FBXO11: variants seen among roughly 807,000 people sequenced by gnomAD.
FBXO11 encodes F-box only protein 11.
In FBXO11, 13 loss-of-function variants were observed where a neutral mutation model predicts 117.0. The observed-to-expected ratio is 0.11, with a 90% confidence interval of 0.07 to 0.18. The LOEUF is 0.18. FBXO11 is among the 10% of genes least tolerant of loss of function. FBXO11 has a pLI of 1.00. For synonymous variants in FBXO11, 490 were observed against 380.5 expected (o/e 1.29, Z -3.35); for missense variants, 767 against 1,164.4 (o/e 0.66, Z 4.97).
chr2:47,808,943 C>G lies in FBXO11; in HGVS notation c.2555+215G>C, dbSNP rs571902729. On this transcript the variant is annotated intron_variant, in intron 21 of 22. Transcript: ENST00000403359. Reference sequence around the variant, plus strand: ...AACTCCTGGGCTCCAGTGATCCTCCCACTTCAGCCTCCCAAAGTGCTAGGA... The same window carrying G: ...AACTCCTGGGCTCCAGTGATCCTCCGACTTCAGCCTCCCAAAGTGCTAGGA... The G allele has an allele frequency of 3.4e-5, 14 of 413,148 alleles. No individual in the cohort carries two copies. The East Asian group carries it at 6.1e-4, about 18-fold the overall frequency. The allele number at this position is 413,148 out of a possible 1,614,324, so 25.6% of individuals were successfully genotyped here.
In FBXO11 at chr2:47,846,939, A is replaced by G. The variant is rs898733995; in HGVS notation, c.233-7170T>C. 9.2e-5 allele frequency among the ~76,000 whole-genome samples: 14 copies of G among 152,298 alleles called. No homozygotes were observed. In the South Asian group the frequency reaches 1.9e-3, roughly 20 times the overall value. On this transcript the variant is annotated intron_variant, in intron 1 of 22. Coordinates refer to ENST00000403359, the MANE Select transcript of FBXO11 (RefSeq NM_001190274.2). ...AGACACATACAGTCACTTATCACTT[A>G]AAGACAAGAATACGTTCTGAGAAGG...
Position 47,832,859 on chromosome 2 carries a change from C to T in FBXO11, c.1063G>A (p.Ala355Thr). Residue 355 changes from alanine (A) to threonine (T), a missense_variant, in exon 9 of 23, where the codon GCA becomes ACA. Physicochemically the swap from Ala to Thr is moderately conservative, Grantham distance 58. This residue lies in a region of FBXO11 where 123 missense variants were observed against 145.0 expected (regional missense o/e 0.85). Transcript: ENST00000403359. ...TIRFNPDDKS[A>T]QHHNAHHCLE... ...CAGTGGTGTGCATTGTGGTGTTGTG[C>T]AGATTTGTCATCAGGGTTAAACTGA... The T allele has an allele frequency of 6.2e-7, 1 of 1,613,910 alleles. No individual in the cohort carries two copies. The highest frequency in any genetic ancestry group is 8.5e-7 in the Non-Finnish European group (1 of 1,179,894).
intron 1 of FBXO11, among the ~76,000 whole-genome samples, chr2:47,869,124 C>T (rs568986739): frequency 7.2e-5 from 11 of 152,270 alleles, no homozygotes; most frequent in East Asian, 1.9e-4. Context: ...ATTTCTTCCA[C>T]GGCCAGAATT....
intron 11 of FBXO11, among the ~76,000 whole-genome samples, chr2:47,828,914 G>A (rs1671970710): frequency 6.6e-6 from 1 of 152,248 alleles, no homozygotes; most frequent in East Asian, 1.9e-4. Flanking sequence ...AATATGCCAT[G>A]AATTTTTTTA....
At chr2:47,905,310 G>A (rs991743872) in intron 1 of FBXO11, 179 bp downstream of exon 1, 5 of 533,394 alleles carry the variant, frequency 9.4e-6, no homozygotes, top group Non-Finnish European at 1.3e-5. Context: ...GGCTTTTCCT[G>A]CCGGCCGGGC....
chr2:47,883,529 T>C (rs1332011886), intron 1 of FBXO11: 1 of 384,036 alleles, frequency 2.6e-6, no homozygotes, highest in Admixed American at 2.9e-5. Flanking sequence ...CAACAGAAAA[T>C]GTAAAGGCCA....
intron 11 of FBXO11, among the ~76,000 whole-genome samples, chr2:47,829,628 G>C (rs531514814): frequency 6.6e-6 from 1 of 152,018 alleles, no homozygotes; most frequent in African/African-American, 2.4e-5. Flanking sequence ...GGAGAACTGT[G>C]AACATTAAGA....
At chr2:47,812,805 T>C (rs1421555970) in intron 18 of FBXO11, 1 of 224,644 alleles carries the variant, frequency 4.5e-6, no homozygotes, top group Non-Finnish European at 8.9e-6. Flanking sequence ...AGGCACATCT[T>C]GGCTTCATTA....
At chr2:47,814,371 G>GTA (rs1199346992) in intron 16 of FBXO11, 3 of 108,338 alleles carry the variant, frequency 2.8e-5, no homozygotes, top group African/African-American at 4.1e-5. Context: ...CCTTCAGGGA[G>GTA]TCTTTTTTTT....
rs1191529792 is a variant in FBXO11, at chr2:47,905,639, G to A, written c.82C>T (p.Pro28Ser). ...RPVQQQQQQP[P>S]QQPPPQPPQQ... ...GGCGGCTGCGGCGGCGGCTGCTGCG[G>A]GGGCTGCTGCTGCTGTTGCTGCACC... Residue 28 changes from proline (P) to serine (S), a missense_variant, in exon 1 of 23, where the codon CCG becomes TCG. This residue lies in a region of FBXO11 where 355 missense variants were observed against 299.8 expected (regional missense o/e 1.18). Coordinates refer to ENST00000403359, the MANE Select transcript of FBXO11 (RefSeq NM_001190274.2). 36 of 1,428,538 alleles carry A rather than the reference G, an allele frequency of 2.5e-5. No homozygotes were observed. Among genetic ancestry groups the A allele is most frequent in the Non-Finnish European group, 3.2e-5 (35 of 1,088,844 alleles). 88.5% of individuals were successfully genotyped at this position (1,428,538 alleles called of 1,614,324 possible). A position where few individuals can be genotyped will look rare whatever the true frequency, so the allele number is the denominator to read the frequency against.
Position 47,839,481 on chromosome 2 carries a change from G to A in FBXO11, c.380C>T (p.Thr127Ile). Residue 127 changes from threonine (T) to isoleucine (I), a missense_variant, in exon 3 of 23, where the codon ACA becomes ATA. Around this residue, in one of 10 missense-constraint regions of FBXO11, gnomAD observed 355 missense variants for 299.8 expected, o/e 1.18. Transcript: ENST00000403359. ...NSMEGASTST[T>I]ENFGHRAKRA... ...TTTTGCACGATGACCAAAGTTTTCT[G>A]TAGTTGAAGTTGAGGCGCCCTTCAA... The A allele has an allele frequency of 1.2e-6, 2 of 1,613,966 alleles. No homozygotes were observed. Among genetic ancestry groups the A allele is most frequent in the Non-Finnish European group, 1.7e-6 (2 of 1,179,992 alleles).
intron 1 of FBXO11, among the ~76,000 whole-genome samples, chr2:47,889,052 G>C (rs531066618): frequency 1.3e-5 from 2 of 152,250 alleles, no homozygotes; most frequent in Non-Finnish European, 2.9e-5. Flanking sequence ...CATTCACTAA[G>C]TGTCTATGTG....
At chr2:47,855,075 T>C (rs929782204) in intron 1 of FBXO11, among the ~76,000 whole-genome samples, 4 of 152,158 alleles carry the variant, frequency 2.6e-5, no homozygotes, top group Non-Finnish European at 5.9e-5. Flanking sequence ...GGAATCACTT[T>C]CTAGAATTGT....
chr2:47,888,007 A>G (rs948820887), intron 1 of FBXO11, among the ~76,000 whole-genome samples: 2 of 151,684 alleles, frequency 1.3e-5, no homozygotes, highest in Non-Finnish European at 2.9e-5. Context: ...AGAGAGTGAA[A>G]CCTTGTCTGA....
Position 47,810,299 on chromosome 2 carries a change from GAA to G in FBXO11, c.2338+15_2338+16del, listed in dbSNP as rs2104632797. On this transcript the variant is annotated intron_variant, in intron 19 of 22. Transcript: ENST00000403359. ...AGAACTATATATAAGCCACAGGTAAGAAAAGAAAATACAAACCTGCGGCAAAT... is the reference window on the plus strand; with the variant it reads ...AGAACTATATATAAGCCACAGGTAAGAAGAAAATACAAACCTGCGGCAAAT... The G allele has an allele frequency of 6.5e-7, 1 of 1,529,868 alleles. No homozygotes were observed. The highest frequency in any genetic ancestry group is 9.0e-7 in the Non-Finnish European group (1 of 1,116,466). The allele number at this position is 1,529,868 out of a possible 1,614,324, so 94.8% of individuals were successfully genotyped here.
intron 16 of FBXO11, among the ~76,000 whole-genome samples, chr2:47,815,689 T>TA (rs1368505661): frequency 6.6e-6 from 1 of 152,188 alleles, no homozygotes; most frequent in Non-Finnish European, 1.5e-5. Flanking sequence ...GGCCAAGTGT[T>TA]AGAAGAACCT....
chr2:47,861,729 C>T (rs1674793410), intron 1 of FBXO11, among the ~76,000 whole-genome samples: 1 of 152,010 alleles, frequency 6.6e-6, no homozygotes, highest in African/African-American at 2.4e-5. Context: ...AAGAGACGTC[C>T]TTCTCTCTTT....
At chr2:47,849,269 A>T (rs1039165006) in intron 1 of FBXO11, among the ~76,000 whole-genome samples, 6 of 152,258 alleles carry the variant, frequency 3.9e-5, no homozygotes, top group African/African-American at 7.2e-5. Context: ...AGTTATAATT[A>T]AAAAAACTTT....
intron 1 of FBXO11, among the ~76,000 whole-genome samples, chr2:47,872,906 G>T (rs1444421173): frequency 6.6e-6 from 1 of 152,006 alleles, no homozygotes; most frequent in African/African-American, 2.4e-5. Context: ...CTTTTAAAGG[G>T]ACATTTAACA....
Sources: gnomAD v4.1 joint callset for allele counts (sites outside exome capture counted in the v4.1 genomes callset) on GRCh38, gnomAD v4.1.1 for gene constraint, gnomAD v4.1.1 regional missense constraint, MANE v1.5 for transcripts, NCBI Gene and HGNC (gene_info 2026-07-23, HGNC 2026-07-21) for gene names.